PPP4R3B: variants seen among roughly 807,000 people sequenced by gnomAD.
PPP4R3B encodes serine/threonine-protein phosphatase 4 regulatory subunit 3B.
PPP4R3B carries 52 observed loss-of-function variants against 95.4 expected under a neutral mutation model. That is an observed-to-expected ratio of 0.54 (90% CI 0.44 to 0.69). PPP4R3B has a LOEUF of 0.69. PPP4R3B is among the 30% of genes least tolerant of loss of function. The probability of loss-of-function intolerance (pLI) is 0.00; values close to 1 mark genes in which losing one functional copy is unlikely to be tolerated. For synonymous variants in PPP4R3B, 407 were observed against 343.9 expected, an observed-to-expected ratio of 1.18 and a Z score of -2.03; for missense variants, 1,003 against 1,005.9, an observed-to-expected ratio of 1.00 and a Z score of 0.04.
intron 15 of PPP4R3B, among the ~76,000 whole-genome samples, chr2:55,562,049 T>A (rs986836513): frequency 1.3e-5 from 2 of 152,128 alleles, no homozygotes; most frequent in Non-Finnish European, 2.9e-5. Flanking sequence ...TTGGAGGAGA[T>A]GACTGAATCA....
chr2:55,557,532 G>C (rs1686010731), intron 16 of PPP4R3B, among the ~76,000 whole-genome samples: 1 of 152,122 alleles, frequency 6.6e-6, no homozygotes, highest in Admixed American at 6.6e-5. Flanking sequence ...CCATCATAAA[G>C]TTGAAAACTA....
intron 5 of PPP4R3B, among the ~76,000 whole-genome samples, chr2:55,588,249 C>T (rs1202980378): frequency 6.6e-6 from 1 of 152,206 alleles, no homozygotes; most frequent in Non-Finnish European, 1.5e-5. Flanking sequence ...CGCAGTGGCT[C>T]ACACCTGTAA....
chr2:55,608,308 C>G (rs544249831), intron 2 of PPP4R3B, among the ~76,000 whole-genome samples: 62 of 152,156 alleles, frequency 4.1e-4, no homozygotes, highest in African/African-American at 1.5e-3. Flanking sequence ...CCCAGCCCCT[C>G]ATTCTTAACT....
chr2:55,559,571 T>G (rs1475117294), intron 15 of PPP4R3B, among the ~76,000 whole-genome samples: 1 of 152,104 alleles, frequency 6.6e-6, no homozygotes, highest in Non-Finnish European at 1.5e-5. Flanking sequence ...CTTGTGATAG[T>G]GAGTTCTCAC....
chr2:55,564,209 G>T, intron 15 of PPP4R3B, 104 bp downstream of exon 15: 1 of 980,944 alleles, frequency 1.0e-6, no homozygotes, highest in Non-Finnish European at 1.4e-6. Context: ...TAAAATTTTT[G>T]TCTTTCTTGC....
chr2:55,558,532 C>T (rs1199552846), intron 16 of PPP4R3B, among the ~76,000 whole-genome samples: 3 of 151,984 alleles, frequency 2.0e-5, no homozygotes, highest in Admixed American at 6.6e-5. Context: ...TGCTTGAACC[C>T]GGGAGGCGGA....
intron 10 of PPP4R3B, 100 bp from the exon 11 acceptor site, chr2:55,577,456 C>A: frequency 1.8e-6 from 2 of 1,138,766 alleles, no homozygotes; most frequent in South Asian, 6.1e-5. Context: ...CAATCATAAT[C>A]TCCTTTTACC....
intron 2 of PPP4R3B, chr2:55,614,772 G>A (rs1055691001): frequency 1.3e-5 from 2 of 152,084 alleles, no homozygotes; most frequent in African/African-American, 4.8e-5. Flanking sequence ...TGTTACAGTA[G>A]ACACCGATTA....
intron 2 of PPP4R3B, among the ~76,000 whole-genome samples, chr2:55,609,490 T>A (rs1693867957): frequency 6.6e-6 from 1 of 152,016 alleles, no homozygotes; most frequent in African/African-American, 2.4e-5. Context: ...AAGACCAGCC[T>A]GAGCAACATG....
intron 4 of PPP4R3B, among the ~76,000 whole-genome samples, chr2:55,589,297 T>C (rs1044754886): frequency 2.0e-5 from 3 of 152,114 alleles, no homozygotes; most frequent in African/African-American, 7.2e-5. Flanking sequence ...TTAAACATAA[T>C]TCAAACAAGC....
intron 11 of PPP4R3B, among the ~76,000 whole-genome samples, chr2:55,576,827 T>C (rs948555066): frequency 1.3e-5 from 2 of 152,340 alleles, no homozygotes; most frequent in South Asian, 2.1e-4. Context: ...GCCTCCTTAT[T>C]TGAAACTGGC....
At chr2:55,599,972 A>C (rs939423608) in intron 3 of PPP4R3B, among the ~76,000 whole-genome samples, 8 of 152,082 alleles carry the variant, frequency 5.3e-5, no homozygotes, top group African/African-American at 1.9e-4. Context: ...GTACTTCTAA[A>C]CTTATGCTTT....
At chr2:55,578,516 C>T (rs750132377) in intron 9 of PPP4R3B, among the ~76,000 whole-genome samples, 174 bp from the exon 10 acceptor site, 1 of 151,940 alleles carries the variant, frequency 6.6e-6, no homozygotes, top group Non-Finnish European at 1.5e-5. Flanking sequence ...AAACCCTCTG[C>T]GATGTGCTTT....
chr2:55,567,130 A>G (rs994783473), intron 13 of PPP4R3B, among the ~76,000 whole-genome samples: 3 of 152,222 alleles, frequency 2.0e-5, no homozygotes, highest in African/African-American at 4.8e-5. Context: ...TTCTACAGTT[A>G]TCTGTTGCAT....
chr2:55,597,662 G>A (rs952359912), intron 4 of PPP4R3B, among the ~76,000 whole-genome samples: 11 of 103,374 alleles, frequency 1.1e-4, no homozygotes, highest in East Asian at 4.4e-4. Context: ...CTAGCTCGGC[G>A]TGGAGGCACA....
chr2:55,610,203 C>A (rs1693975612), intron 2 of PPP4R3B, among the ~76,000 whole-genome samples: 1 of 152,056 alleles, frequency 6.6e-6, no homozygotes, highest in Non-Finnish European at 1.5e-5. Flanking sequence ...GTCCATTTAC[C>A]GTGGTGGAAT....
intron 5 of PPP4R3B, among the ~76,000 whole-genome samples, chr2:55,587,625 A>G (rs1364073230): frequency 2.6e-5 from 4 of 152,232 alleles, no homozygotes; most frequent in African/African-American, 9.6e-5. Context: ...TCAGAAGGCT[A>G]ACACTGATCA....
At position 55,598,911 on chromosome 2, in the gene PPP4R3B, A is replaced by C. The variant is rs778624443; in HGVS notation, c.426T>G (p.Leu142=). The change falls in exon 4 of 17, where the codon CTT becomes CTG. Residue 142 remains leucine (L), a synonymous_variant. Coordinates refer to ENST00000616407, the MANE Select transcript of PPP4R3B (RefSeq NM_001122964.3). The stretch of plus-strand genomic sequence containing the variant: ...AGGTAACTAAGTCAGCAATCTCTTC[A>C]AGTTTATTGAGTTCACATGTGGGCA... ...IDLPTCELNK[L]EEIADLVTSV... 45 of 1,614,072 alleles carry C rather than the reference A, an allele frequency of 2.8e-5. No homozygotes were observed. Among genetic ancestry groups the C allele is most frequent in the Non-Finnish European group, 1.4e-5 (17 of 1,180,042 alleles).
intron 2 of PPP4R3B, among the ~76,000 whole-genome samples, chr2:55,606,503 A>C (rs372826451): frequency 6.6e-6 from 1 of 151,968 alleles, no homozygotes; most frequent in Admixed American, 6.6e-5. Context: ...TGGGCAATGC[A>C]GTGAGACTTC....
Sources: gnomAD v4.1 joint callset for allele counts (sites outside exome capture counted in the v4.1 genomes callset) on GRCh38, gnomAD v4.1.1 for gene constraint, MANE v1.5 for transcripts, NCBI Gene and HGNC (gene_info 2026-07-23, HGNC 2026-07-21) for gene names.